Variants in NCOA1 observed in about 807,000 individuals in gnomAD.
The protein encoded by NCOA1 is nuclear receptor coactivator 1, also known as Hin-2 protein.
Under a neutral mutation model 150.9 loss-of-function variants are expected in NCOA1, and 35 were observed. The observed-to-expected ratio is 0.23, with a 90% CI of 0.18 to 0.31. The LOEUF (loss-of-function observed/expected upper bound fraction) is 0.31, where lower values mean the gene tolerates loss of function less well. NCOA1 is among the 10% of genes least tolerant of loss of function. The pLI is 1.00. For synonymous variants in NCOA1, 590 were observed against 630.0 expected, an observed-to-expected ratio of 0.94 and a Z score of 0.95; for missense variants, 1,491 against 1,749.3, an observed-to-expected ratio of 0.85 and a Z score of 2.63.
In NCOA1 at chr2:24,751,987, G is replaced by A. The variant is rs56099330; in HGVS notation, c.3712G>A (p.Val1238Ile). The A allele has an allele frequency of 1.3e-4, 202 of 1,607,498 alleles. No individual in the cohort carries two copies. The African/African-American group carries it at 2.4e-3, about 19-fold the overall frequency. Residue 1238 changes from valine (V) to isoleucine (I), a missense_variant, in exon 20 of 23, where the codon GTT (valine) becomes ATT (isoleucine). This residue lies in a region of NCOA1 where 485 missense variants were observed against 522.8 expected (regional missense o/e 0.93). Coordinates refer to ENST00000348332, the MANE Select transcript of NCOA1 (RefSeq NM_003743.5). Reference sequence around the variant, plus strand: ...TAATTTGTGTCAATTTACAGGAATGGTTCCCCAAGGTGAGGCCAACTTTGC... The same window carrying A: ...TAATTTGTGTCAATTTACAGGAATGATTCCCCAAGGTGAGGCCAACTTTGC... ...NVFQYPGAGM[V>I]PQGEANFAPS... is the part of the protein sequence containing the mutation.
At chr2:24,688,138 C>G (rs1044396478) in intron 8 of NCOA1, among the ~76,000 whole-genome samples, 2 of 152,072 alleles carry the variant, frequency 1.3e-5, no homozygotes, top group African/African-American at 4.8e-5. Flanking sequence ...ACTACATTTT[C>G]TTTATCCAGT....
intron 1 of NCOA1, among the ~76,000 whole-genome samples, chr2:24,533,519 T>G (rs948806914): frequency 1.3e-5 from 2 of 152,184 alleles, no homozygotes; most frequent in African/African-American, 4.8e-5. Flanking sequence ...ATCTCTGTCT[T>G]GTGCCGGTTT....
chr2:24,756,889 A>G (rs1216440988), intron 20 of NCOA1, among the ~76,000 whole-genome samples: 1 of 152,208 alleles, frequency 6.6e-6, no homozygotes, highest in Non-Finnish European at 1.5e-5. Context: ...GAACTTGGCC[A>G]TGAAGAAGGA....
chr2:24,739,699 TACTG>T (rs1270353644), intron 18 of NCOA1, among the ~76,000 whole-genome samples, 166 bp downstream of exon 18: 1 of 152,212 alleles, frequency 6.6e-6, no homozygotes, highest in Non-Finnish European at 1.5e-5. Flanking sequence ...TGATACCTCT[TACTG>T]ATATTTGATC....
intron 7 of NCOA1, among the ~76,000 whole-genome samples, chr2:24,681,609 A>G (rs1426473860): frequency 1.3e-5 from 2 of 152,018 alleles, no homozygotes; most frequent in Non-Finnish European, 2.9e-5. Flanking sequence ...AAAGCAGTTT[A>G]CTTTTTATTC....
chr2:24,631,672 A>G (rs1212969035), intron 3 of NCOA1, among the ~76,000 whole-genome samples: 4 of 152,186 alleles, frequency 2.6e-5, no homozygotes, highest in African/African-American at 7.2e-5. Context: ...TCATAAGGCA[A>G]TATTTGGTAA....
Position 24,720,823 on chromosome 2 carries a change from T to C in NCOA1, c.2600-5766T>C, listed in dbSNP as rs567521376. 2.7e-3 allele frequency among the ~76,000 whole-genome samples: 418 copies of C among 152,374 alleles called. 1 individual carries two copies. Among genetic ancestry groups the C allele is most frequent in the Non-Finnish European group, 4.2e-3 (286 of 68,038 alleles). ...TACCTCTAAATTGTCCCATCACTAC[T>C]GTCTACTAGAACCAGAGTCTATTAT... On this transcript the variant is annotated intron_variant, in intron 14 of 22. Transcript: ENST00000348332.
intron 8 of NCOA1, among the ~76,000 whole-genome samples, chr2:24,689,440 A>G (rs1558288998): frequency 6.6e-6 from 1 of 150,720 alleles, no homozygotes; most frequent in Non-Finnish European, 1.5e-5. Flanking sequence ...ATGGAGTCTC[A>G]CTCTGTCACC....
intron 6 of NCOA1, among the ~76,000 whole-genome samples, chr2:24,669,726 A>G (rs1327251598): frequency 1.3e-5 from 2 of 152,254 alleles, no homozygotes; most frequent in African/African-American, 4.8e-5. Context: ...TTCTCCAAAG[A>G]AAATGTACAA....
chr2:24,607,562 T>C (rs920058506), intron 3 of NCOA1, among the ~76,000 whole-genome samples: 1 of 150,312 alleles, frequency 6.7e-6, no homozygotes, highest in Admixed American at 6.6e-5. Context: ...TAGTGGCGGG[T>C]GCCTGTAGTC....
chr2:24,513,748 T>C (rs1664034791), intron 1 of NCOA1, among the ~76,000 whole-genome samples: 1 of 152,206 alleles, frequency 6.6e-6, no homozygotes. Context: ...GAGTTTTACA[T>C]TCCTCAAACA....
At chr2:24,598,965 A>C (rs1465909375) in intron 3 of NCOA1, among the ~76,000 whole-genome samples, 2 of 152,204 alleles carry the variant, frequency 1.3e-5, no homozygotes, top group Non-Finnish European at 2.9e-5. Flanking sequence ...TGCTAAGCCC[A>C]AGTACAGGAG....
At chr2:24,543,133 A>G (rs1160490220) in intron 1 of NCOA1, among the ~76,000 whole-genome samples, 1 of 152,186 alleles carries the variant, frequency 6.6e-6, no homozygotes, top group Non-Finnish European at 1.5e-5. Context: ...TCAGGAGCTT[A>G]GTGCTCCATC....
At chr2:24,539,378 A>G (rs1473693454) in intron 1 of NCOA1, among the ~76,000 whole-genome samples, 2 of 152,198 alleles carry the variant, frequency 1.3e-5, no homozygotes, top group Non-Finnish European at 2.9e-5. Flanking sequence ...AAGGCCTGAA[A>G]AAGCATGTTG....
At chr2:24,543,699 G>A (rs1385114515) in intron 1 of NCOA1, among the ~76,000 whole-genome samples, 1 of 152,010 alleles carries the variant, frequency 6.6e-6, no homozygotes. Context: ...AGACAGGAGA[G>A]AGAAATTGAG....
chr2:24,700,490 G>A (rs1467755717), intron 11 of NCOA1, among the ~76,000 whole-genome samples: 1 of 152,128 alleles, frequency 6.6e-6, no homozygotes, highest in Non-Finnish European at 1.5e-5. Context: ...GCTTTTGACA[G>A]TCAGCTCATG....
chr2:24,710,157 G>T (rs928681510), intron 13 of NCOA1, among the ~76,000 whole-genome samples: 1 of 151,882 alleles, frequency 6.6e-6, no homozygotes, highest in Non-Finnish European at 1.5e-5. Flanking sequence ...GCAGTGGCAC[G>T]ATCTCGGCTC....
At chr2:24,665,944 G>A in intron 6 of NCOA1, 29 bp downstream of exon 6, 1 of 1,339,068 alleles carries the variant, frequency 7.5e-7, no homozygotes, top group South Asian at 2.2e-5. Context: ...ACCCATGGCT[G>A]TGTGCTTTGT....
chr2:24,608,231 C>T (rs1427042007), intron 3 of NCOA1, among the ~76,000 whole-genome samples: 1 of 147,026 alleles, frequency 6.8e-6, no homozygotes, highest in Non-Finnish European at 1.5e-5. Context: ...CCCATATACT[C>T]CTCACCCAGT....
Sources: allele counts gnomAD v4.1 joint callset (sites outside exome capture counted in the v4.1 genomes callset), GRCh38; gene constraint gnomAD v4.1.1; regional missense constraint gnomAD v4.1.1; transcripts MANE v1.5; gene names NCBI Gene and HGNC (gene_info 2026-07-23, HGNC 2026-07-21).